DPY19L4: variants seen among roughly 807,000 people sequenced by gnomAD.
DPY19L4 encodes dpy-19 like 4.
Under a neutral mutation model 102.8 loss-of-function variants are expected in DPY19L4, and 97 were observed. The ratio of observed to expected loss-of-function variants is 0.94; its 90% CI spans 0.80 to 1.12. The LOEUF is 1.12. Among genes scored for constraint, DPY19L4 ranks in the 50% most tolerant of loss-of-function variants. The pLI is 0.00. For missense variants in DPY19L4, 815 were observed against 850.4 expected, an observed-to-expected ratio of 0.96 and a Z score of 0.52; for synonymous variants, 252 against 283.1, an observed-to-expected ratio of 0.89 and a Z score of 1.10.
rs561232916 is a variant in DPY19L4 at position 94,727,219 on chromosome 8, A to ATGAT, written c.127+804_127+807dup. On this transcript the variant is annotated intron_variant, in intron 2 of 18. Coordinates refer to ENST00000414645, the MANE Select transcript of DPY19L4 (RefSeq NM_181787.3). ...TCAGAATGAAGTTGTATTTACAGCT[A>ATGAT]TGATTGATTGATTGATTGATTGATT... 1.1e-3 allele frequency among the ~76,000 whole-genome samples: 174 copies of ATGAT among 152,270 alleles called. No individual in the cohort carries two copies. In the South Asian group the frequency reaches 0.013, roughly 11 times the overall value.
chr8:94,765,676 C>G, intron 9 of DPY19L4, 35 bp from the exon 10 acceptor site: 1 of 1,452,396 alleles, frequency 6.9e-7, no homozygotes, highest in Non-Finnish European at 9.6e-7. Flanking sequence ...TTTTTAACAC[C>G]TCACTTCTTT....
intron 17 of DPY19L4, among the ~76,000 whole-genome samples, chr8:94,787,211 G>A (rs1334402660): frequency 6.6e-6 from 1 of 152,040 alleles, no homozygotes; most frequent in East Asian, 1.9e-4. Flanking sequence ...CCAATAGTAT[G>A]TTTCAGTTTC....
intron 1 of DPY19L4, among the ~76,000 whole-genome samples, chr8:94,725,917 G>A (rs1047367502): frequency 6.6e-6 from 1 of 152,148 alleles, no homozygotes; most frequent in African/African-American, 2.4e-5. Flanking sequence ...GATTACAGGC[G>A]TGAGCCACAG....
Position 94,733,372 on chromosome 8 carries a change from G to A in DPY19L4, c.128-1258G>A, listed in dbSNP as rs1811054321. On this transcript the variant is annotated intron_variant, in intron 2 of 18. Coordinates refer to ENST00000414645, the MANE Select transcript of DPY19L4 (RefSeq NM_181787.3). ...GATCTCCTGACCTTGTGATCCTCCC[G>A]CCTTGGCCTGCCAAAGTTCTGGGAT... is the stretch of plus-strand genomic sequence containing the variant. 3.3e-5 allele frequency among the ~76,000 whole-genome samples: 5 copies of A among 151,882 alleles called. No individual in the cohort carries two copies. In the South Asian group the frequency reaches 8.3e-4, roughly 25 times the overall value.
intron 2 of DPY19L4, among the ~76,000 whole-genome samples, chr8:94,729,470 GC>G (rs1810840769): frequency 6.6e-6 from 1 of 151,038 alleles, no homozygotes; most frequent in Admixed American, 6.6e-5. Flanking sequence ...GTGGTGGTGT[GC>G]CCCTGTAGTC....
At chr8:94,775,824 T>C (rs957819636) in intron 13 of DPY19L4, among the ~76,000 whole-genome samples, 2 of 152,156 alleles carry the variant, frequency 1.3e-5, no homozygotes, top group Admixed American at 6.5e-5. Context: ...TTCTTGATAA[T>C]CTATACTAAG....
At chr8:94,727,627 G>T (rs1292089502) in intron 2 of DPY19L4, among the ~76,000 whole-genome samples, 1 of 152,180 alleles carries the variant, frequency 6.6e-6, no homozygotes, top group Admixed American at 6.5e-5. Flanking sequence ...CCAGGCATAG[G>T]CTTCCAAATT....
At chr8:94,767,183 C>T (rs1812712051) in intron 11 of DPY19L4, among the ~76,000 whole-genome samples, 1 of 152,106 alleles carries the variant, frequency 6.6e-6, no homozygotes, top group Admixed American at 6.6e-5. Flanking sequence ...ACTGAGCATT[C>T]CTGAACATCA....
chr8:94,765,045 T>C (rs1363427666), intron 8 of DPY19L4, 138 bp from the exon 9 acceptor site: 3 of 706,322 alleles, frequency 4.2e-6, no homozygotes, highest in African/African-American at 3.8e-5. Context: ...AAAATATTGA[T>C]TAAACATTTG....
At chr8:94,764,575 C>CAA (rs554856939) in intron 8 of DPY19L4, among the ~76,000 whole-genome samples, 2,454 of 53,060 alleles carry the variant, frequency 0.046, 82 homozygotes, top group Non-Finnish European at 0.059. Flanking sequence ...GACTCCGTCT[C>CAA]AAAAAAAAAA....
rs150494376 is a variant in DPY19L4 at position 94,748,342 on chromosome 8, T to A, written c.612-7694T>A. On this transcript the variant is annotated intron_variant, in intron 6 of 18. Transcript: ENST00000414645. ...TGGGTAGGGGTGGTAGGTAAACCTT[T>A]GGGAACGGAACTACTGAGTTCAGCT... Among the ~76,000 whole-genome samples, 112 of 152,314 alleles carry A rather than the reference T, an allele frequency of 7.4e-4. 1 individual carries two copies. The East Asian group carries it at 0.02, about 27-fold the overall frequency.
At chr8:94,761,215 C>T (rs958618183) in intron 7 of DPY19L4, among the ~76,000 whole-genome samples, 9 of 152,078 alleles carry the variant, frequency 5.9e-5, no homozygotes, top group African/African-American at 1.9e-4. Context: ...ATCGCAACTC[C>T]AGAAAGCAGC....
Position 94,793,398 on chromosome 8 carries a change from T to G in DPY19L4, c.*3488T>G, listed in dbSNP as rs952222745. 4 of 151,836 alleles carry G rather than the reference T, an allele frequency of 2.6e-5. No homozygotes were observed. The highest frequency in any genetic ancestry group is 5.9e-5 in the Non-Finnish European group (4 of 68,030). The allele number at this position is 151,836 out of a possible 1,614,324, so 9.4% of individuals were successfully genotyped here. On this transcript the variant is annotated 3_prime_UTR_variant, in exon 19 of 19. Transcript: ENST00000414645. The stretch of plus-strand genomic sequence containing the variant: ...TGGATAAAAGTAGTGCCTCTCTTTA[T>G]ACAACTGATGGGGTTTTAAAAAGTG...
At chr8:94,769,070 T>G (rs1241373907) in intron 12 of DPY19L4, among the ~76,000 whole-genome samples, 5 of 149,514 alleles carry the variant, frequency 3.3e-5, no homozygotes, top group Non-Finnish European at 6.0e-5. Context: ...TTGTTTTTTT[T>G]TTTTTTTTGA....
rs554112238 is a variant in DPY19L4 at position 94,793,580 on chromosome 8, C to A, written c.*3670C>A. The A allele has an allele frequency of 6.6e-6, 1 of 152,132 alleles. No individual in the cohort carries two copies. 9.4% of individuals were successfully genotyped at this position (152,132 alleles called of 1,614,324 possible). On this transcript the variant is annotated 3_prime_UTR_variant, in exon 19 of 19. Transcript: ENST00000414645. Reference sequence around the variant, plus strand: ...TTGCCCAATTTAAAAAATACGTAGTCTCTATTGTTGCTGTTTACTAATAGT... The same window carrying A: ...TTGCCCAATTTAAAAAATACGTAGTATCTATTGTTGCTGTTTACTAATAGT...
Position 94,750,565 on chromosome 8 carries a change from G to C in DPY19L4, c.612-5471G>C, listed in dbSNP as rs1219783734. On this transcript the variant is annotated intron_variant, in intron 6 of 18. Coordinates refer to ENST00000414645, the MANE Select transcript of DPY19L4 (RefSeq NM_181787.3). Reference sequence around the variant, plus strand: ...TTTTTGCATATATATGTGTATCTGTGTGTGTGTGTGTGTATATATATGCAA... The same window carrying C: ...TTTTTGCATATATATGTGTATCTGTCTGTGTGTGTGTGTATATATATGCAA... 3.3e-5 allele frequency among the ~76,000 whole-genome samples: 5 copies of C among 152,130 alleles called. No homozygotes were observed. In the East Asian group the frequency reaches 9.7e-4, roughly 29 times the overall value.
At chr8:94,764,728 T>TTTTTTTTC (rs1812587550) in intron 8 of DPY19L4, among the ~76,000 whole-genome samples, 15 of 97,600 alleles carry the variant, frequency 1.5e-4, no homozygotes, top group African/African-American at 6.9e-4. Context: ...TTTTTTTTTT[T>TTTTTTTTC]TTTTTTTTTT....
chr8:94,742,468 C>T (rs1369712696), intron 6 of DPY19L4, among the ~76,000 whole-genome samples: 2 of 152,078 alleles, frequency 1.3e-5, no homozygotes, highest in Non-Finnish European at 2.9e-5. Context: ...TCTTGGCTCA[C>T]TGTAACCTCT....
chr8:94,747,877 A>G (rs1811751974), intron 6 of DPY19L4, among the ~76,000 whole-genome samples: 1 of 152,080 alleles, frequency 6.6e-6, no homozygotes, highest in African/African-American at 2.4e-5. Flanking sequence ...TGATGTTTCT[A>G]AACATTAAAA....
Sources: allele counts gnomAD v4.1 joint callset (sites outside exome capture counted in the v4.1 genomes callset), GRCh38; gene constraint gnomAD v4.1.1; transcripts MANE v1.5; gene names NCBI Gene and HGNC (gene_info 2026-07-23, HGNC 2026-07-21).